COL4A5: variants seen among roughly 807,000 people sequenced by gnomAD.
COL4A5 encodes the protein collagen alpha-5(IV) chain.
In COL4A5, 26 loss-of-function variants were observed where a neutral mutation model predicts 130.2. That is an observed-to-expected ratio of 0.20 (90% confidence interval 0.15 to 0.28). The LOEUF is 0.28. Among genes scored for constraint, COL4A5 ranks in the 10% least tolerant of loss-of-function variants. The probability of loss-of-function intolerance (pLI) is 1.00; values close to 1 mark genes in which losing one functional copy is unlikely to be tolerated. For missense variants in COL4A5, 1,131 were observed against 1,344.3 expected (o/e 0.84, Z 2.48); for synonymous variants, 496 against 439.6 (o/e 1.13, Z -1.60).
At chrX:108,487,248 G>A (rs1432730527) in intron 1 of COL4A5, among the ~76,000 whole-genome samples, 7 of 110,110 alleles carry the variant, frequency 6.4e-5, no homozygotes, top group Admixed American at 9.7e-5. Context: ...AAATTAGCTG[G>A]GCGTGGTGGT....
At chrX:108,679,436 C>A (rs1051284859) in intron 44 of COL4A5, among the ~76,000 whole-genome samples, 1 of 111,244 alleles carries the variant, frequency 9.0e-6, no homozygotes, top group Non-Finnish European at 1.9e-5. Flanking sequence ...ATTTTTGACT[C>A]ATTTTTTCTC....
intron 42 of COL4A5, among the ~76,000 whole-genome samples, chrX:108,672,853 T>C (rs28489790): frequency 0.1 from 11,588 of 111,475 alleles, 1,296 homozygotes; most frequent in African/African-American, 0.34. Context: ...TGAGTTGTCT[T>C]AGTTGGGAAT....
At chrX:108,541,644 T>C (rs2065541745) in intron 2 of COL4A5, among the ~76,000 whole-genome samples, 2 of 111,892 alleles carry the variant, frequency 1.8e-5, no homozygotes, top group Admixed American at 1.9e-4. Context: ...CTCAAAAAAT[T>C]GCTTATAGAT....
chrX:108,461,779 G>C (rs2064655901), intron 1 of COL4A5, among the ~76,000 whole-genome samples: 1 of 111,019 alleles, frequency 9.0e-6, no homozygotes, highest in Non-Finnish European at 1.9e-5. Flanking sequence ...ATCTTTAGTA[G>C]AGACAGGTTT....
In COL4A5 at chrX:108,568,828, T is replaced by A. The variant is rs1320609452; in HGVS notation, c.384+7T>A. On this transcript the variant is annotated splice_region_variant and intron_variant, in intron 6 of 52. Coordinates refer to ENST00000328300, the MANE Select transcript of COL4A5 (RefSeq NM_033380.3). ...CGGATGCAATGGAACCAAGGTGAGA[T>A]CCATCCATTTAATCTTGGGTAGTAT... 2 of 1,200,178 alleles carry A rather than the reference T, an allele frequency of 1.7e-6. No homozygotes were observed. The highest frequency in any genetic ancestry group is 3.0e-5 in the East Asian group (1 of 33,791).
chrX:108,630,396 C>T (rs1277078305), intron 36 of COL4A5, among the ~76,000 whole-genome samples: 3 of 112,145 alleles, frequency 2.7e-5, no homozygotes, highest in Non-Finnish European at 5.6e-5. Flanking sequence ...ATTTGCATTT[C>T]TCTGATGGCC....
At chrX:108,571,682 A>G (rs1013501954) in intron 7 of COL4A5, 129 bp from the exon 8 acceptor site, 15 of 581,846 alleles carry the variant, frequency 2.6e-5, no homozygotes, top group Non-Finnish European at 3.7e-5. Flanking sequence ...TAAGTATCCT[A>G]AGGTATATCC....
chrX:108,601,864 A>T lies in COL4A5; in HGVS notation c.2042-21A>T, dbSNP rs376609656. The T allele has an allele frequency of 1.0e-6, 1 of 958,259 alleles. No individual in the cohort carries two copies. Among genetic ancestry groups the T allele is most frequent in the East Asian group, 3.3e-5 (1 of 29,919 alleles). The allele number at this position is 958,259 out of a possible 1,213,427, so 79.0% of individuals were successfully genotyped here. On this transcript the variant is annotated intron_variant, in intron 26 of 52. Coordinates refer to ENST00000328300, the MANE Select transcript of COL4A5 (RefSeq NM_033380.3). ...TCTTTCTTTGAACGTTTTCCTTTCAATAACTGCTGTTTCTCCATAGGTGAC... is the reference window on the plus strand; with the variant it reads ...TCTTTCTTTGAACGTTTTCCTTTCATTAACTGCTGTTTCTCCATAGGTGAC...
At chrX:108,683,900 TTGC>T (rs2068489287) in intron 47 of COL4A5, among the ~76,000 whole-genome samples, 3 of 111,771 alleles carry the variant, frequency 2.7e-5, no homozygotes, top group Non-Finnish European at 3.8e-5. Flanking sequence ...TTTTGCCTGA[TTGC>T]CCTGGCCAGA....
Position 108,461,849 on chromosome X carries a change from C to T in COL4A5, c.81+21643C>T, listed in dbSNP as rs553327477. ...AACTCAGGTGATCCGCCTGCCTTGG[C>T]CTCCAAAAGTGCTGGGATTACAGGA... On this transcript the variant is annotated intron_variant, in intron 1 of 52. Transcript: ENST00000328300. Among the ~76,000 whole-genome samples the T allele has an allele frequency of 7.9e-4, 88 of 111,929 alleles. No individual in the cohort carries two copies. The South Asian group carries it at 0.016, about 20-fold the overall frequency.
intron 1 of COL4A5, among the ~76,000 whole-genome samples, chrX:108,453,437 T>A (rs1339518703): frequency 5.4e-5 from 6 of 111,270 alleles, no homozygotes; most frequent in Non-Finnish European, 9.4e-5. Flanking sequence ...TTCCCACTAT[T>A]TTTTTTTGTT....
chrX:108,583,014 T>C lies in COL4A5; in HGVS notation c.990+77T>C, dbSNP rs747908577. 161 of 833,388 alleles carry C rather than the reference T, an allele frequency of 1.9e-4. No homozygotes were observed. The African/African-American group carries it at 2.6e-3, about 14-fold the overall frequency. 68.7% of individuals were successfully genotyped at this position (833,388 alleles called of 1,213,427 possible). ...CTTTTCTTCTCCCAGGCTTGAGTTATAAATGGAAAAAGTCTACATAACTAG... is the reference window on the plus strand; with the variant it reads ...CTTTTCTTCTCCCAGGCTTGAGTTACAAATGGAAAAAGTCTACATAACTAG... On this transcript the variant is annotated intron_variant, in intron 17 of 52. Transcript: ENST00000328300.
chrX:108,545,410 G>T (rs1362385274), intron 2 of COL4A5, among the ~76,000 whole-genome samples: 4 of 111,243 alleles, frequency 3.6e-5, no homozygotes, highest in Non-Finnish European at 5.7e-5. Flanking sequence ...TCATGTAGTT[G>T]AGCAGTTTTC....
intron 29 of COL4A5, among the ~76,000 whole-genome samples, chrX:108,613,928 A>G (rs2066880704): frequency 9.0e-6 from 1 of 111,694 alleles, no homozygotes. Flanking sequence ...CAGCAATTCT[A>G]CTCCCAAGAA....
intron 4 of COL4A5, among the ~76,000 whole-genome samples, chrX:108,566,108 AT>A (rs1471476946): frequency 9.2e-6 from 1 of 108,154 alleles, no homozygotes; most frequent in Non-Finnish European, 1.9e-5. Context: ...GATGGTCATT[AT>A]TTTGCTCAGA....
At chrX:108,533,911 A>G (rs768838914) in intron 1 of COL4A5, among the ~76,000 whole-genome samples, 1 of 111,451 alleles carries the variant, frequency 9.0e-6, no homozygotes, top group South Asian at 3.7e-4. Context: ...ATTTCTCATA[A>G]AAAAGACATA....
intron 1 of COL4A5, among the ~76,000 whole-genome samples, chrX:108,454,723 C>CT (rs754195867): frequency 6.3e-5 from 7 of 111,408 alleles, no homozygotes; most frequent in African/African-American, 2.3e-4. Flanking sequence ...CCTTTGGACT[C>CT]TAAGATTCTG....
chrX:108,440,272 G>GT, intron 1 of COL4A5, 66 bp downstream of exon 1: 1 of 219,394 alleles, frequency 4.6e-6, no homozygotes, highest in South Asian at 9.9e-5. Flanking sequence ...CCTTTTTTTT[G>GT]GGGGGGGGGT....
rs752179960 is a variant in COL4A5 at position 108,539,796 on chromosome X, A to C, written c.132A>C (p.Lys44Asn). 3.2e-5 allele frequency: 39 copies of C among 1,201,554 alleles called. No individual in the cohort carries two copies. Among genetic ancestry groups the C allele is most frequent in the Non-Finnish European group, 4.3e-5 (38 of 887,897 alleles). The change falls in exon 2 of 53, where the codon AAA (lysine) becomes AAC (asparagine). Residue 44 changes from lysine (K) to asparagine (N), a missense_variant. Coordinates refer to ENST00000328300, the MANE Select transcript of COL4A5 (RefSeq NM_033380.3). The stretch of plus-strand genomic sequence containing the variant: ...CAAAGTGTGACTGCAGTGGCATAAA[A>C]GGGGAAAAGGTGAGGTCTTAGATTG... Reference protein sequence around the residue: ...PGSKCDCSGIKGEKGERGFPG... With the variant: ...PGSKCDCSGINGEKGERGFPG...
Sources: gnomAD v4.1 joint callset for allele counts (sites outside exome capture counted in the v4.1 genomes callset) on GRCh38, gnomAD v4.1.1 for gene constraint, MANE v1.5 for transcripts, NCBI Gene and HGNC (gene_info 2026-07-23, HGNC 2026-07-21) for gene names.